Variants in GALNTL6 observed in about 807,000 individuals in gnomAD.
GALNTL6 encodes the protein polypeptide N-acetylgalactosaminyltransferase like 6.
A neutral mutation model predicts 73.7 loss-of-function variants in GALNTL6; 46 were observed. That is an observed-to-expected ratio of 0.62 (90% CI 0.49 to 0.80). The LOEUF is 0.80. Ranked by LOEUF, GALNTL6 falls within the 30% of genes least tolerant of loss-of-function variation. The pLI is 0.00. For synonymous variants in GALNTL6, 259 were observed against 263.7 expected, an observed-to-expected ratio of 0.98 and a Z score of 0.17; for missense variants, 604 against 755.0, an observed-to-expected ratio of 0.80 and a Z score of 2.34.
intron 10 of GALNTL6, among the ~76,000 whole-genome samples, chr4:172,962,478 A>G (rs1750129447): frequency 6.6e-6 from 1 of 152,278 alleles, no homozygotes; most frequent in African/African-American, 2.4e-5. Flanking sequence ...TTAGTTTCCT[A>G]TAAACTTTAA....
In GALNTL6 at chr4:172,211,409, A is replaced by G. The variant is rs1486488750; in HGVS notation, c.139-18247A>G. Among the ~76,000 whole-genome samples, 8 of 152,190 alleles carry G rather than the reference A, an allele frequency of 5.3e-5. No homozygotes were observed. In the East Asian group the frequency reaches 9.6e-4, roughly 18 times the overall value. The stretch of plus-strand genomic sequence containing the variant: ...GCTATATTAAGTTAAACATGAGTTC[A>G]TACTTAGGTCTCTAACTCTAGTTCA... On this transcript the variant is annotated intron_variant, in intron 2 of 12. Transcript: ENST00000506823.
At chr4:173,000,272 G>A (rs1057163413) in intron 10 of GALNTL6, among the ~76,000 whole-genome samples, 2 of 152,086 alleles carry the variant, frequency 1.3e-5, no homozygotes, top group Non-Finnish European at 2.9e-5. Context: ...CAAACTCTGG[G>A]CAGTCTAACT....
At chr4:172,698,443 C>T (rs918669536) in intron 5 of GALNTL6, among the ~76,000 whole-genome samples, 1 of 152,172 alleles carries the variant, frequency 6.6e-6, no homozygotes, top group African/African-American at 2.4e-5. Flanking sequence ...CTACCCTCCA[C>T]TCAGTCTCTT....
intron 5 of GALNTL6, among the ~76,000 whole-genome samples, chr4:172,539,579 C>CA (rs553404276): frequency 0.012 from 1,749 of 152,070 alleles, 19 homozygotes; most frequent in Non-Finnish European, 0.019. Context: ...GAGAACTGGA[C>CA]AGGGAGTGAA....
chr4:171,891,140 T>C (rs1736748451), intron 2 of GALNTL6, among the ~76,000 whole-genome samples: 2 of 152,218 alleles, frequency 1.3e-5, no homozygotes, highest in African/African-American at 4.8e-5. Flanking sequence ...AGGAACATCA[T>C]GGTCAAAGAT....
chr4:172,580,880 A>G (rs974993853), intron 5 of GALNTL6, among the ~76,000 whole-genome samples: 1 of 152,156 alleles, frequency 6.6e-6, no homozygotes, highest in Non-Finnish European at 1.5e-5. Flanking sequence ...CCAGGGTTCA[A>G]GCCTCCCGAG....
intron 5 of GALNTL6, among the ~76,000 whole-genome samples, chr4:172,604,085 A>T (rs796690839): frequency 7.2e-5 from 11 of 152,222 alleles, no homozygotes; most frequent in Admixed American, 2.0e-4. Context: ...CATTAGTAAC[A>T]TCATGCTATG....
chr4:172,022,426 C>G (rs1426629977), intron 2 of GALNTL6, among the ~76,000 whole-genome samples: 1 of 151,974 alleles, frequency 6.6e-6, no homozygotes, highest in East Asian at 1.9e-4. Context: ...CAGTTAAGTT[C>G]TTGCATGACC....
intron 2 of GALNTL6, among the ~76,000 whole-genome samples, chr4:171,854,610 A>T (rs559903180): frequency 6.6e-6 from 1 of 152,312 alleles, no homozygotes; most frequent in South Asian, 2.1e-4. Context: ...GGACTAGATT[A>T]CATATAAACA....
chr4:172,904,717 G>T, intron 8 of GALNTL6, among the ~76,000 whole-genome samples: 1 of 151,762 alleles, frequency 6.6e-6, no homozygotes, highest in East Asian at 1.9e-4. Flanking sequence ...TCATCTCCCA[G>T]GCCCAGTATT....
At chr4:172,656,928 A>T (rs1016175032) in intron 5 of GALNTL6, among the ~76,000 whole-genome samples, 5 of 150,574 alleles carry the variant, frequency 3.3e-5, no homozygotes, top group Admixed American at 1.3e-4. Flanking sequence ...GAAGGACATT[A>T]TTTTTTTTTT....
At chr4:171,864,183 C>T (rs1289729793) in intron 2 of GALNTL6, among the ~76,000 whole-genome samples, 1 of 152,066 alleles carries the variant, frequency 6.6e-6, no homozygotes, top group Non-Finnish European at 1.5e-5. Context: ...TCTTGTAATC[C>T]TACTTAATAT....
chr4:172,229,874 C>T (rs1736994617), intron 3 of GALNTL6, 110 bp downstream of exon 3: 5 of 664,008 alleles, frequency 7.5e-6, no homozygotes, highest in Non-Finnish European at 1.3e-5. Context: ...AAGTATGTTT[C>T]ATGGGGATAT....
chr4:172,098,389 A>G lies in GALNTL6; in HGVS notation c.139-131267A>G, dbSNP rs73867612. ...GAAAAGAATTACTGGGGTTGGTGATATATGAGTTGAGAGTTGCATTTTCCA... is the reference window on the plus strand; with the variant it reads ...GAAAAGAATTACTGGGGTTGGTGATGTATGAGTTGAGAGTTGCATTTTCCA... On this transcript the variant is annotated intron_variant, in intron 2 of 12. Transcript: ENST00000506823. Among the ~76,000 whole-genome samples, 804 of 152,234 alleles carry G rather than the reference A, an allele frequency of 5.3e-3. 11 individuals are homozygous for G. The highest frequency in any genetic ancestry group is 0.018 in the African/African-American group (766 of 41,536).
chr4:172,828,037 C>T (rs536670317), intron 7 of GALNTL6, among the ~76,000 whole-genome samples: 1 of 151,910 alleles, frequency 6.6e-6, no homozygotes, highest in East Asian at 1.9e-4. Context: ...TGTGGGAGGC[C>T]AAGCCAGGCC....
chr4:172,973,757 C>G (rs1187086957), intron 10 of GALNTL6, among the ~76,000 whole-genome samples: 1 of 152,126 alleles, frequency 6.6e-6, no homozygotes, highest in Non-Finnish European at 1.5e-5. Flanking sequence ...TTTTTTCTCT[C>G]TTCCTCTCTT....
intron 2 of GALNTL6, among the ~76,000 whole-genome samples, chr4:171,853,599 CTTTTTTTTTTTTTTT>C (rs35078885): frequency 3.1e-4 from 11 of 35,358 alleles, no homozygotes; most frequent in African/African-American, 8.7e-4. Context: ...TTTAGCCACT[CTTTTTTTTTTTTTTT>C]TTTTTTTTTT....
chr4:172,108,406 C>G (rs1394043303), intron 2 of GALNTL6, among the ~76,000 whole-genome samples: 1 of 152,134 alleles, frequency 6.6e-6, no homozygotes, highest in Non-Finnish European at 1.5e-5. Context: ...GTCAGAAAGA[C>G]CCAGGAGAGC....
At chr4:172,362,469 C>G (rs1742405695) in intron 5 of GALNTL6, among the ~76,000 whole-genome samples, 1 of 152,214 alleles carries the variant, frequency 6.6e-6, no homozygotes, top group African/African-American at 2.4e-5. Context: ...CTGGGGCATG[C>G]TTTTCTCATC....
Sources: allele counts gnomAD v4.1 joint callset (sites outside exome capture counted in the v4.1 genomes callset), GRCh38; gene constraint gnomAD v4.1.1; transcripts MANE v1.5; gene names NCBI Gene and HGNC (gene_info 2026-07-23, HGNC 2026-07-21).